STXBP5: variants seen among roughly 807,000 people sequenced by gnomAD.
STXBP5 encodes the protein syntaxin-binding protein 5.
Under a neutral mutation model 152.4 loss-of-function variants are expected in STXBP5, and 50 were observed. That is an observed-to-expected ratio of 0.33 (90% confidence interval 0.26 to 0.42). The LOEUF (loss-of-function observed/expected upper bound fraction) is 0.42. STXBP5 is among the 10% of genes least tolerant of loss of function. The probability of loss-of-function intolerance (pLI) is 1.00; values close to 1 mark genes in which losing one functional copy is unlikely to be tolerated. For missense variants in STXBP5, 1,167 were observed against 1,388.6 expected (o/e 0.84, Z 2.54); for synonymous variants, 492 against 494.7 (o/e 0.99, Z 0.07).
intron 9 of STXBP5, among the ~76,000 whole-genome samples, chr6:147,301,444 CTT>C (rs1389829480): frequency 6.6e-6 from 1 of 152,144 alleles, no homozygotes; most frequent in Non-Finnish European, 1.5e-5. Context: ...GTAAAGATCT[CTT>C]TGAGTCTATG....
At chr6:147,240,420 G>A (rs1443770933) in intron 4 of STXBP5, among the ~76,000 whole-genome samples, 1 of 152,044 alleles carries the variant, frequency 6.6e-6, no homozygotes, top group Admixed American at 6.6e-5. Flanking sequence ...TATTTATGTA[G>A]TTAGCATTAA....
intron 26 of STXBP5, among the ~76,000 whole-genome samples, chr6:147,380,173 TACACACACACACACACAC>T (rs58343558): frequency 1.4e-5 from 2 of 143,052 alleles, no homozygotes; most frequent in Admixed American, 1.4e-4. Flanking sequence ...AATAGCCACG[TACACACACACACACACAC>T]ACACACACAC....
intron 2 of STXBP5, among the ~76,000 whole-genome samples, chr6:147,213,147 G>T (rs1457810870): frequency 6.6e-6 from 1 of 152,134 alleles, no homozygotes; most frequent in African/African-American, 2.4e-5. Context: ...TGCTGGGCAT[G>T]TACATGTAAG....
chr6:147,305,545 G>T (rs941348062), intron 9 of STXBP5, among the ~76,000 whole-genome samples: 8 of 152,056 alleles, frequency 5.3e-5, no homozygotes, highest in Non-Finnish European at 1.5e-5. Flanking sequence ...TATTTTAATT[G>T]ACATATAATC....
chr6:147,222,841 C>G (rs1162869814), intron 2 of STXBP5, among the ~76,000 whole-genome samples: 2 of 152,190 alleles, frequency 1.3e-5, no homozygotes, highest in Non-Finnish European at 2.9e-5. Flanking sequence ...ACTGGGTTCC[C>G]CTGGAGTTTT....
chr6:147,237,084 A>G (rs1269214828), intron 3 of STXBP5, among the ~76,000 whole-genome samples: 1 of 151,966 alleles, frequency 6.6e-6, no homozygotes, highest in Non-Finnish European at 1.5e-5. Context: ...CCTGTTCTTC[A>G]TTTTTATACT....
chr6:147,335,317 A>C (rs568487440), intron 19 of STXBP5, among the ~76,000 whole-genome samples: 1 of 152,334 alleles, frequency 6.6e-6, no homozygotes, highest in East Asian at 1.9e-4. Flanking sequence ...TTTGGAATTT[A>C]GAATTGTAAT....
chr6:147,365,087 A>G (rs1273107777), intron 25 of STXBP5, among the ~76,000 whole-genome samples: 1 of 152,024 alleles, frequency 6.6e-6, no homozygotes, highest in Non-Finnish European at 1.5e-5. Context: ...TGCTTAGCAT[A>G]GTGCCCCTGG....
chr6:147,229,591 C>T (rs192850840), intron 2 of STXBP5, among the ~76,000 whole-genome samples: 43 of 151,764 alleles, frequency 2.8e-4, no homozygotes, highest in African/African-American at 5.5e-4. Flanking sequence ...TGCATTTCTT[C>T]GGATAAATTT....
intron 18 of STXBP5, among the ~76,000 whole-genome samples, chr6:147,330,479 T>C (rs1783511668): frequency 1.3e-5 from 2 of 152,038 alleles, no homozygotes; most frequent in Admixed American, 1.3e-4. Flanking sequence ...AATATCAAGA[T>C]AATTGGTGAA....
At chr6:147,337,695 T>A (rs1783898941) in intron 19 of STXBP5, among the ~76,000 whole-genome samples, 1 of 152,018 alleles carries the variant, frequency 6.6e-6, no homozygotes, top group African/African-American at 2.4e-5. Flanking sequence ...TTTTAAAATA[T>A]ATATAACATA....
chr6:147,256,623 G>T (rs573043110), intron 4 of STXBP5, among the ~76,000 whole-genome samples: 3 of 152,276 alleles, frequency 2.0e-5, no homozygotes, highest in Admixed American at 2.0e-4. Flanking sequence ...TCTTGGCTTC[G>T]AAAAGATAAC....
At chr6:147,244,798 C>G (rs558037109) in intron 4 of STXBP5, among the ~76,000 whole-genome samples, 8 of 152,192 alleles carry the variant, frequency 5.3e-5, no homozygotes, top group African/African-American at 1.9e-4. Context: ...CCACGATTTT[C>G]TGCCCTCCTT....
In STXBP5 at chr6:147,329,403, T is replaced by G. The variant is rs1783438315; in HGVS notation, c.2080+2127T>G. Among the ~76,000 whole-genome samples, 4 of 150,332 alleles carry G rather than the reference T, an allele frequency of 2.7e-5. 1 individual carries two copies. In the South Asian group the frequency reaches 8.3e-4, roughly 31 times the overall value. The stretch of plus-strand genomic sequence containing the variant: ...TTAGGGTTGTGTTTTAAATAAAAAT[T>G]AAAATTATATTAAAGTATGTTTTAA... On this transcript the variant is annotated intron_variant, in intron 18 of 27. Transcript: ENST00000321680.
At chr6:147,223,628 T>C (rs573979690) in intron 2 of STXBP5, among the ~76,000 whole-genome samples, 24 of 152,308 alleles carry the variant, frequency 1.6e-4, no homozygotes, top group Non-Finnish European at 2.9e-4. Context: ...TTAGAATAAT[T>C]TGTGGAGCTG....
At chr6:147,223,314 A>G (rs964304492) in intron 2 of STXBP5, among the ~76,000 whole-genome samples, 2 of 152,214 alleles carry the variant, frequency 1.3e-5, no homozygotes, top group Non-Finnish European at 2.9e-5. Flanking sequence ...AGCCCATAAT[A>G]TACAAAATGA....
Position 147,327,210 on chromosome 6 carries a change from T to C in STXBP5, c.2014T>C (p.Tyr672His). ...VLLNLGTIELYGSNDPYRREP... is the reference protein window; with the variant it reads ...VLLNLGTIELHGSNDPYRREP... Reference sequence around the variant, plus strand: ...GCTCAACCTGGGCACTATTGAATTATATGGCTCTAATGATCCTTATCGGAG... The same window carrying C: ...GCTCAACCTGGGCACTATTGAATTACATGGCTCTAATGATCCTTATCGGAG... Residue 672 changes from tyrosine to histidine, a missense_variant, in exon 18 of 28, where the codon TAT (tyrosine) becomes CAT (histidine). Around this residue, in one of 3 missense-constraint regions of STXBP5, gnomAD observed 833 missense variants for 986.3 expected, o/e 0.84. Coordinates refer to ENST00000321680, the MANE Select transcript of STXBP5 (RefSeq NM_001127715.4). 6.2e-7 allele frequency: 1 copy of C among 1,614,136 alleles called. No individual in the cohort carries two copies. Among genetic ancestry groups the C allele is most frequent in the Non-Finnish European group, 8.5e-7 (1 of 1,180,022 alleles).
chr6:147,275,240 G>T (rs1334106767), intron 7 of STXBP5, among the ~76,000 whole-genome samples: 1 of 152,036 alleles, frequency 6.6e-6, no homozygotes, highest in Non-Finnish European at 1.5e-5. Context: ...ACTGATGTCA[G>T]ACTCTTAATT....
Position 147,354,947 on chromosome 6 carries a change from A to G in STXBP5, c.2305+1574A>G, listed in dbSNP as rs534325479. Reference sequence around the variant, plus strand: ...CTAATTTACATTGGTCAGGGAGGCAATGGGGAATAACTCCAACTATATTGA... The same window carrying G: ...CTAATTTACATTGGTCAGGGAGGCAGTGGGGAATAACTCCAACTATATTGA... On this transcript the variant is annotated intron_variant, in intron 22 of 27. Coordinates refer to ENST00000321680, the MANE Select transcript of STXBP5 (RefSeq NM_001127715.4). 1.2e-4 allele frequency among the ~76,000 whole-genome samples: 18 copies of G among 152,262 alleles called. 1 individual carries two copies. The highest frequency in any genetic ancestry group is 1.0e-3 in the South Asian group (5 of 4,832).
Sources: allele counts gnomAD v4.1 joint callset (sites outside exome capture counted in the v4.1 genomes callset), GRCh38; gene constraint gnomAD v4.1.1; regional missense constraint gnomAD v4.1.1; transcripts MANE v1.5; gene names NCBI Gene and HGNC (gene_info 2026-07-23, HGNC 2026-07-21).